SRPK2: variants seen among roughly 807,000 people sequenced by gnomAD.
The protein encoded by SRPK2 is SFRS protein kinase 2.
In SRPK2, 21 loss-of-function variants were observed where a neutral mutation model predicts 90.8. That is an observed-to-expected ratio of 0.23 (90% CI 0.16 to 0.33). The LOEUF (loss-of-function observed/expected upper bound fraction) is 0.33, where lower values mean the gene tolerates loss of function less well. Ranked by LOEUF, SRPK2 falls within the 10% of genes least tolerant of loss-of-function variation. SRPK2 has a pLI of 1.00. For synonymous variants in SRPK2, 288 were observed against 311.1 expected (o/e 0.93, Z 0.78); for missense variants, 620 against 869.0 (o/e 0.71, Z 3.60).
intron 2 of SRPK2, among the ~76,000 whole-genome samples, chr7:105,321,864 G>A (rs1235826814): frequency 1.3e-5 from 2 of 152,114 alleles, no homozygotes; most frequent in African/African-American, 4.8e-5. Flanking sequence ...ATATAAAATG[G>A]TATCTTTTCT....
chr7:105,334,360 G>A lies in SRPK2; in HGVS notation c.71+54288C>T, dbSNP rs142905330. On this transcript the variant is annotated intron_variant, in intron 2 of 15. Coordinates refer to ENST00000393651, the MANE Select transcript of SRPK2 (RefSeq NM_182692.3). ...CCCAAAGTGCTGGGATTACAGGCGT[G>A]AGCCACCACGCCCGGCCAATGCCTG... 7.6e-3 allele frequency among the ~76,000 whole-genome samples: 1,158 copies of A among 152,258 alleles called. 11 individuals are homozygous for A. Among genetic ancestry groups the A allele is most frequent in the African/African-American group, 0.027 (1,131 of 41,554 alleles).
intron 2 of SRPK2, among the ~76,000 whole-genome samples, chr7:105,327,802 T>C (rs980735043): frequency 2.0e-4 from 31 of 152,236 alleles, no homozygotes; most frequent in African/African-American, 7.5e-4. Context: ...GTTTTTTTGT[T>C]TTTGTTTCTG....
At chr7:105,379,257 TAAC>T (rs963372456) in intron 2 of SRPK2, among the ~76,000 whole-genome samples, 4 of 151,510 alleles carry the variant, frequency 2.6e-5, no homozygotes, top group Non-Finnish European at 5.9e-5. Context: ...AAATAAATAA[TAAC>T]AAAATAAAAA....
At position 105,126,353 on chromosome 7, in the gene SRPK2, G is replaced by T; in HGVS notation, c.1823-13C>A. 1.1e-5 allele frequency: 17 copies of T among 1,591,942 alleles called. No homozygotes were observed. Among genetic ancestry groups the T allele is most frequent in the Non-Finnish European group, 1.4e-5 (16 of 1,164,088 alleles). The stretch of plus-strand genomic sequence containing the variant: ...TGGGCTATGTGGTCTATGGAGGAGA[G>T]AAAAAAAGGATATGGGAATGGGAGG... On this transcript the variant is annotated splice_polypyrimidine_tract_variant and intron_variant, in intron 14 of 15. Coordinates refer to ENST00000393651, the MANE Select transcript of SRPK2 (RefSeq NM_182692.3).
At chr7:105,331,524 G>C (rs1280684647) in intron 2 of SRPK2, among the ~76,000 whole-genome samples, 1 of 152,010 alleles carries the variant, frequency 6.6e-6, no homozygotes, top group Non-Finnish European at 1.5e-5. Flanking sequence ...CAAGAGAGAT[G>C]AATAGTAAAC....
chr7:105,180,027 A>G (rs933082942), intron 3 of SRPK2, among the ~76,000 whole-genome samples: 8 of 152,156 alleles, frequency 5.3e-5, no homozygotes, highest in African/African-American at 1.2e-4. Context: ...TACAGATTCA[A>G]TGCTATTCCT....
At chr7:105,132,671 G>A in intron 13 of SRPK2, 120 bp downstream of exon 13, 4 of 757,346 alleles carry the variant, frequency 5.3e-6, no homozygotes, top group Non-Finnish European at 8.4e-6. Context: ...CCAGCCCACG[G>A]TGGATGACCC....
intron 2 of SRPK2, among the ~76,000 whole-genome samples, chr7:105,233,885 A>G (rs952049680): frequency 6.6e-6 from 1 of 152,020 alleles, no homozygotes; most frequent in Non-Finnish European, 1.5e-5. Flanking sequence ...AAAATAAAAT[A>G]AGTAAAAAAT....
At chr7:105,385,300 C>T (rs1821435267) in intron 2 of SRPK2, among the ~76,000 whole-genome samples, 1 of 150,510 alleles carries the variant, frequency 6.6e-6, no homozygotes, top group Non-Finnish European at 1.5e-5. Flanking sequence ...CTCGCCTCAG[C>T]CTCCCGAGTA....
At chr7:105,170,873 A>G (rs1585036828) in intron 3 of SRPK2, among the ~76,000 whole-genome samples, 1 of 130,184 alleles carries the variant, frequency 7.7e-6, no homozygotes, top group African/African-American at 3.0e-5. Flanking sequence ...GAAAGAAAGA[A>G]AGAAAGAAAG....
At chr7:105,141,340 A>G (rs1364843685) in intron 11 of SRPK2, among the ~76,000 whole-genome samples, 1 of 152,158 alleles carries the variant, frequency 6.6e-6, no homozygotes, top group Non-Finnish European at 1.5e-5. Context: ...CTTTTCCCCC[A>G]TAAGCCAGTA....
chr7:105,216,069 C>CAAA (rs767351592), intron 2 of SRPK2, among the ~76,000 whole-genome samples: 3 of 60,152 alleles, frequency 5.0e-5, no homozygotes, highest in African/African-American at 1.0e-4. Context: ...CCCATCTCTA[C>CAAA]AAAAAAAAAA....
At chr7:105,352,153 T>C (rs573053541) in intron 2 of SRPK2, among the ~76,000 whole-genome samples, 1 of 152,264 alleles carries the variant, frequency 6.6e-6, no homozygotes, top group African/African-American at 2.4e-5. Flanking sequence ...TCCTCCTCAA[T>C]ATGCTTAGCT....
chr7:105,329,254 T>C (rs1428091825), intron 2 of SRPK2, among the ~76,000 whole-genome samples: 3 of 151,906 alleles, frequency 2.0e-5, no homozygotes, highest in South Asian at 4.1e-4. Flanking sequence ...AAAATACAAA[T>C]AGATCTGAAA....
At chr7:105,366,117 T>C (rs1289139958) in intron 2 of SRPK2, among the ~76,000 whole-genome samples, 1 of 152,098 alleles carries the variant, frequency 6.6e-6, no homozygotes, top group Non-Finnish European at 1.5e-5. Flanking sequence ...CCTCCCAAAG[T>C]GCTGGGATTT....
intron 2 of SRPK2, chr7:105,244,828 G>A (rs1801374391): frequency 1.0e-6 from 1 of 992,788 alleles, no homozygotes; most frequent in East Asian, 2.4e-5. Flanking sequence ...ACGCCAAGGA[G>A]TTACTGAAAG....
chr7:105,209,271 C>A (rs181463849), intron 2 of SRPK2, among the ~76,000 whole-genome samples: 2 of 152,120 alleles, frequency 1.3e-5, no homozygotes, highest in Non-Finnish European at 2.9e-5. Flanking sequence ...CACTTCAGGC[C>A]GGGTGCAGTG....
intron 2 of SRPK2, among the ~76,000 whole-genome samples, chr7:105,248,912 C>G (rs1262293839): frequency 6.7e-6 from 1 of 148,530 alleles, no homozygotes; most frequent in Non-Finnish European, 1.5e-5. Context: ...GGTGACAGAC[C>G]GAAGCTCCAT....
At chr7:105,204,461 A>G in intron 2 of SRPK2, 1 of 324,940 alleles carries the variant, frequency 3.1e-6, no homozygotes, top group Non-Finnish European at 6.0e-6. Flanking sequence ...AATGGTTCAT[A>G]ATGGGATTCA....
Sources: allele counts gnomAD v4.1 joint callset (sites outside exome capture counted in the v4.1 genomes callset), GRCh38; gene constraint gnomAD v4.1.1; transcripts MANE v1.5; gene names NCBI Gene and HGNC (gene_info 2026-07-23, HGNC 2026-07-21).